Variants in GFOD1 observed in about 807,000 individuals in gnomAD.
GFOD1 encodes the protein glucose-fructose oxidoreductase domain-containing protein 1.
Under a neutral mutation model 25.4 loss-of-function variants are expected in GFOD1, and 9 were observed. That is an observed-to-expected ratio of 0.35 (90% CI 0.21 to 0.62). The LOEUF is 0.62. Among genes scored for constraint, GFOD1 ranks in the 20% least tolerant of loss-of-function variants. The probability of loss-of-function intolerance (pLI) is 0.72; values close to 1 mark genes in which losing one functional copy is unlikely to be tolerated. For synonymous variants in GFOD1, 253 were observed against 245.6 expected (o/e 1.03, Z -0.28); for missense variants, 403 against 556.9 (o/e 0.72, Z 2.78).
At chr6:13,409,225 GGA>G (rs1786021449) in intron 1 of GFOD1, among the ~76,000 whole-genome samples, 5 of 135,120 alleles carry the variant, frequency 3.7e-5, no homozygotes, top group Admixed American at 1.5e-4. Context: ...GAGAGAGAGA[GGA>G]AGGAAGGAAG....
intron 1 of GFOD1, among the ~76,000 whole-genome samples, chr6:13,390,773 G>A (rs1257796507): frequency 1.1e-5 from 1 of 91,990 alleles, no homozygotes; most frequent in African/African-American, 4.1e-5. Flanking sequence ...GAGAGAGAGA[G>A]AGAGAGAAAG....
intron 1 of GFOD1, among the ~76,000 whole-genome samples, chr6:13,403,752 T>C (rs140040204): frequency 1.3e-5 from 2 of 152,184 alleles, no homozygotes; most frequent in African/African-American, 4.8e-5. Context: ...TATTATGACA[T>C]GTGAAAGAAG....
intron 1 of GFOD1, among the ~76,000 whole-genome samples, chr6:13,372,731 C>T (rs562109158): frequency 3.9e-5 from 6 of 152,316 alleles, no homozygotes; most frequent in Admixed American, 3.3e-4. Flanking sequence ...CAGGGCTGTT[C>T]CCTAACATAA....
In GFOD1 at chr6:13,365,103, G is replaced by T; in HGVS notation, c.813C>A (p.Ser271Arg). ...GCACCAGCAGCTCCTGCTCCGGGGC[G>T]CTGTTGCGCTGCCCGTACAGGTCGG... ...VGTDLYGQRN[S>R]APEQELLVQD... Residue 271 changes from serine to arginine, a missense_variant, in exon 2 of 2, where the codon AGC (serine) becomes AGA (arginine). Transcript: ENST00000379287. This position sits in a 1 kb window ranked among gnomAD's most constrained non-coding sequence, Gnocchi z 9.2. The T allele has an allele frequency of 6.2e-7, 1 of 1,612,540 alleles. No individual in the cohort carries two copies. Among genetic ancestry groups the T allele is most frequent in the Non-Finnish European group, 8.5e-7 (1 of 1,179,754 alleles).
intron 1 of GFOD1, among the ~76,000 whole-genome samples, chr6:13,374,728 C>CTT (rs147560408): frequency 0.032 from 2,128 of 66,600 alleles, 13 homozygotes; most frequent in Non-Finnish European, 0.042. Context: ...CATCTCAAAT[C>CTT]TTTTTTTTTT....
intron 1 of GFOD1, among the ~76,000 whole-genome samples, chr6:13,478,967 A>G (rs978422412): frequency 1.3e-5 from 2 of 151,984 alleles, no homozygotes; most frequent in Non-Finnish European, 2.9e-5. Flanking sequence ...TGGTAACCCC[A>G]TCAGTACCTT....
intron 1 of GFOD1, among the ~76,000 whole-genome samples, chr6:13,394,791 C>A (rs1235228768): frequency 6.6e-6 from 1 of 152,078 alleles, no homozygotes; most frequent in Admixed American, 6.6e-5. Flanking sequence ...TGCCACCATG[C>A]CCGGCTAATT....
chr6:13,470,208 T>C, intron 1 of GFOD1: 2 of 1,593,848 alleles, frequency 1.3e-6, no homozygotes, highest in South Asian at 1.1e-5. Flanking sequence ...ATCTGTAATC[T>C]TGACTGGGTC....
Position 13,365,596 on chromosome 6 carries a change from GC to G in GFOD1, c.319del (p.Ala107ProfsTer9). The G allele has an allele frequency of 6.2e-7, 1 of 1,606,356 alleles. No individual in the cohort carries two copies. Among genetic ancestry groups the G allele is most frequent in the Non-Finnish European group, 8.5e-7 (1 of 1,179,834 alleles). Reference sequence around the variant, plus strand: ...CATGAGCTTGGGGTAGTAGTGGGCGGCCGAGGTCATGCGGAAAGCGTCCAGC... The same window carrying G: ...CATGAGCTTGGGGTAGTAGTGGGCGGCGAGGTCATGCGGAAAGCGTCCAGC... ...TPLDAFRMTS[A>X]AHYYPKLMSI... On this transcript the variant is annotated frameshift_variant, in exon 2 of 2. Coordinates refer to ENST00000379287, the MANE Select transcript of GFOD1 (RefSeq NM_018988.4). LOFTEE classifies it high-confidence loss of function. The surrounding 1 kb of genome is among the most constrained non-coding windows in gnomAD (Gnocchi z 9.2).
At chr6:13,408,915 CT>C (rs1785995837) in intron 1 of GFOD1, among the ~76,000 whole-genome samples, 1 of 151,542 alleles carries the variant, frequency 6.6e-6, no homozygotes, top group African/African-American at 2.4e-5. Context: ...GTGAAACCCC[CT>C]CTCTACTAAA....
intron 1 of GFOD1, among the ~76,000 whole-genome samples, chr6:13,468,223 A>G (rs1758411397): frequency 6.6e-6 from 1 of 152,152 alleles, no homozygotes; most frequent in African/African-American, 2.4e-5. Context: ...AAACAAGGCT[A>G]TCATCATAAT....
At chr6:13,458,105 TTTG>T (rs555905027) in intron 1 of GFOD1, among the ~76,000 whole-genome samples, 9 of 151,976 alleles carry the variant, frequency 5.9e-5, no homozygotes, top group Admixed American at 1.3e-4. Flanking sequence ...TTATACAATT[TTTG>T]TTGTTGTTGT....
intron 1 of GFOD1, among the ~76,000 whole-genome samples, chr6:13,416,153 G>A (rs1037923151): frequency 7.2e-5 from 11 of 152,252 alleles, no homozygotes; most frequent in South Asian, 2.1e-4. Context: ...CTCTCCTGCC[G>A]CCTTGTGAAG....
chr6:13,478,664 G>A (rs974276490), intron 1 of GFOD1, among the ~76,000 whole-genome samples: 28 of 152,302 alleles, frequency 1.8e-4, no homozygotes, highest in African/African-American at 6.5e-4. Context: ...CTGGGTGCGG[G>A]GGCAGGGCTG....
At chr6:13,439,860 G>C (rs1185789212) in intron 1 of GFOD1, among the ~76,000 whole-genome samples, 1 of 152,144 alleles carries the variant, frequency 6.6e-6, no homozygotes, top group Admixed American at 6.5e-5. Context: ...CCTAGAGACT[G>C]TTACACCCTT....
chr6:13,381,698 G>A (rs943992634), intron 1 of GFOD1, among the ~76,000 whole-genome samples: 4 of 152,122 alleles, frequency 2.6e-5, no homozygotes, highest in African/African-American at 9.7e-5. Context: ...TGTGTCAGAT[G>A]CAGAGAACAA....
chr6:13,433,179 G>A (rs1309313053), intron 1 of GFOD1, among the ~76,000 whole-genome samples: 1 of 150,866 alleles, frequency 6.6e-6, no homozygotes, highest in African/African-American at 2.4e-5. Context: ...GAGTGCAATG[G>A]CACAATCTCA....
intron 1 of GFOD1, among the ~76,000 whole-genome samples, chr6:13,375,996 C>A (rs1419450324): frequency 6.6e-6 from 1 of 152,214 alleles, no homozygotes; most frequent in Non-Finnish European, 1.5e-5. Context: ...CTCCTTCCAG[C>A]AGGGGCATTC....
intron 1 of GFOD1, among the ~76,000 whole-genome samples, chr6:13,440,495 T>C (rs938140718): frequency 1.3e-5 from 2 of 152,124 alleles, no homozygotes; most frequent in African/African-American, 4.8e-5. Context: ...GTGGCCAACA[T>C]GAATTCTTTA....
Sources: gnomAD v4.1 joint callset for allele counts (sites outside exome capture counted in the v4.1 genomes callset) on GRCh38, gnomAD v4.1.1 for gene constraint, Gnocchi (gnomAD v3.1) non-coding constraint, MANE v1.5 for transcripts, NCBI Gene and HGNC (gene_info 2026-07-23, HGNC 2026-07-21) for gene names.